Variants in GRID2 observed in about 807,000 individuals in gnomAD.
GRID2 encodes glutamate receptor ionotropic, delta-2.
Under a neutral mutation model 114.8 loss-of-function variants are expected in GRID2, and 33 were observed. That is an observed-to-expected ratio of 0.29 (90% CI 0.22 to 0.38). The LOEUF (loss-of-function observed/expected upper bound fraction) is 0.38. Among genes scored for constraint, GRID2 ranks in the 10% least tolerant of loss-of-function variants. The pLI is 1.00. For missense variants in GRID2, 1,184 were observed against 1,257.7 expected, an observed-to-expected ratio of 0.94 and a Z score of 0.89; for synonymous variants, 505 against 449.9, an observed-to-expected ratio of 1.12 and a Z score of -1.55.
At chr4:92,824,721 A>C (rs1347288925) in intron 2 of GRID2, among the ~76,000 whole-genome samples, 1 of 152,122 alleles carries the variant, frequency 6.6e-6, no homozygotes, top group African/African-American at 2.4e-5. Flanking sequence ...ATGTCTACTC[A>C]TAAACTACTG....
intron 14 of GRID2, among the ~76,000 whole-genome samples, chr4:93,715,567 G>A (rs531622289): frequency 6.6e-6 from 1 of 152,270 alleles, no homozygotes; most frequent in Middle Eastern, 3.4e-3. Flanking sequence ...CCATAAGCAT[G>A]GAATGTTTTT....
chr4:92,442,434 T>C (rs907764414), intron 1 of GRID2, among the ~76,000 whole-genome samples: 10 of 151,910 alleles, frequency 6.6e-5, no homozygotes, highest in African/African-American at 2.4e-4. Flanking sequence ...AGCAAGCTCC[T>C]TGGGGAGGAG....
intron 13 of GRID2, among the ~76,000 whole-genome samples, chr4:93,518,130 G>T (rs1369136596): frequency 6.7e-6 from 1 of 150,276 alleles, no homozygotes; most frequent in African/African-American, 2.4e-5. Flanking sequence ...TTCCAGGAAG[G>T]CCTGCATCAC....
chr4:92,642,157 G>A (rs1003417466), intron 2 of GRID2, among the ~76,000 whole-genome samples: 3 of 151,544 alleles, frequency 2.0e-5, no homozygotes, highest in Admixed American at 1.3e-4. Context: ...TTGAGTATGT[G>A]CCTAGTAATG....
chr4:93,579,886 T>G (rs1001612199), intron 13 of GRID2, among the ~76,000 whole-genome samples: 1 of 152,154 alleles, frequency 6.6e-6, no homozygotes. Flanking sequence ...AAAGACTGAG[T>G]GATCAGGAGG....
At chr4:92,415,958 T>C (rs1005014301) in intron 1 of GRID2, among the ~76,000 whole-genome samples, 2 of 151,672 alleles carry the variant, frequency 1.3e-5, no homozygotes, top group Non-Finnish European at 2.9e-5. Context: ...AGTTCTACTT[T>C]TAGTTCTTTA....
intron 2 of GRID2, among the ~76,000 whole-genome samples, chr4:92,641,615 G>C (rs1731356916): frequency 6.6e-6 from 1 of 151,706 alleles, no homozygotes; most frequent in Admixed American, 6.6e-5. Context: ...ACAACATGAT[G>C]ACGTAACATA....
intron 13 of GRID2, among the ~76,000 whole-genome samples, chr4:93,598,066 AC>A (rs1739285201): frequency 6.6e-6 from 1 of 152,160 alleles, no homozygotes; most frequent in South Asian, 2.1e-4. Flanking sequence ...ACTATCATAT[AC>A]TCTATACATT....
chr4:92,536,593 T>A (rs1487452021), intron 1 of GRID2, among the ~76,000 whole-genome samples: 1 of 152,238 alleles, frequency 6.6e-6, no homozygotes, highest in Non-Finnish European at 1.5e-5. Flanking sequence ...TTATTTTAAT[T>A]TTTTGCTTAC....
At chr4:93,366,426 G>A (rs552212774) in intron 8 of GRID2, among the ~76,000 whole-genome samples, 27 of 152,068 alleles carry the variant, frequency 1.8e-4, no homozygotes, top group Middle Eastern at 3.4e-3. Flanking sequence ...GGAAATTCCC[G>A]CCTAATAAAT....
chr4:92,572,227 A>C (rs570893910), intron 1 of GRID2, among the ~76,000 whole-genome samples: 120 of 152,330 alleles, frequency 7.9e-4, no homozygotes, highest in Admixed American at 2.2e-3. Context: ...CAGAAATACA[A>C]ACTACCATCA....
At chr4:93,478,052 C>T (rs1470293911) in intron 11 of GRID2, among the ~76,000 whole-genome samples, 1 of 151,978 alleles carries the variant, frequency 6.6e-6, no homozygotes, top group African/African-American at 2.4e-5. Flanking sequence ...TAATGTAGCC[C>T]ACCTTACAAA....
intron 10 of GRID2, among the ~76,000 whole-genome samples, chr4:93,426,215 G>A (rs1768832369): frequency 6.6e-6 from 1 of 152,106 alleles, no homozygotes; most frequent in Non-Finnish European, 1.5e-5. Context: ...GTATTGGAAA[G>A]CATTAATATC....
At chr4:92,355,057 C>A (rs1470128489) in intron 1 of GRID2, among the ~76,000 whole-genome samples, 1 of 151,910 alleles carries the variant, frequency 6.6e-6, no homozygotes, top group Non-Finnish European at 1.5e-5. Flanking sequence ...CATGGCGACT[C>A]CTCCTCATTA....
intron 8 of GRID2, among the ~76,000 whole-genome samples, chr4:93,323,455 T>C (rs551356964): frequency 4.6e-5 from 7 of 152,324 alleles, no homozygotes; most frequent in African/African-American, 1.7e-4. Context: ...TGTAGCCTTG[T>C]AGTATAGTTT....
chr4:93,655,007 A>T (rs1300927953), intron 14 of GRID2, among the ~76,000 whole-genome samples: 1 of 152,214 alleles, frequency 6.6e-6, no homozygotes, highest in Non-Finnish European at 1.5e-5. Flanking sequence ...CTGAGCATGT[A>T]ATCTGAAAAG....
At chr4:93,624,273 G>A (rs529051634) in intron 13 of GRID2, among the ~76,000 whole-genome samples, 1 of 152,008 alleles carries the variant, frequency 6.6e-6, no homozygotes, top group South Asian at 2.1e-4. Flanking sequence ...ATCAAATAAT[G>A]ATAATTTTGT....
At chr4:93,157,781 C>T (rs1254543796) in intron 4 of GRID2, among the ~76,000 whole-genome samples, 41 of 151,726 alleles carry the variant, frequency 2.7e-4, no homozygotes, top group Non-Finnish European at 1.2e-4. Context: ...TCTCGCTACA[C>T]CAGAATTCTG....
chr4:93,653,256 C>T (rs545456878), intron 14 of GRID2, among the ~76,000 whole-genome samples: 7 of 152,282 alleles, frequency 4.6e-5, no homozygotes, highest in South Asian at 4.1e-4. Context: ...GTCTCCTCCA[C>T]GCTGTCACAT....
Sources: gnomAD v4.1 joint callset for allele counts (sites outside exome capture counted in the v4.1 genomes callset) on GRCh38, gnomAD v4.1.1 for gene constraint, MANE v1.5 for transcripts, NCBI Gene and HGNC (gene_info 2026-07-23, HGNC 2026-07-21) for gene names.